ACSS2: variants seen among roughly 807,000 people sequenced by gnomAD.
ACSS2 encodes the protein acyl-CoA synthetase short chain family member 2.
Under a neutral mutation model 90.6 loss-of-function variants are expected in ACSS2, and 58 were observed. That is an observed-to-expected ratio of 0.64 (90% CI 0.52 to 0.80). The LOEUF is 0.80. Among genes scored for constraint, ACSS2 ranks in the 30% least tolerant of loss-of-function variants. The probability of loss-of-function intolerance (pLI) is 0.00; values close to 1 mark genes in which losing one functional copy is unlikely to be tolerated. For synonymous variants in ACSS2, 300 were observed against 330.9 expected, an observed-to-expected ratio of 0.91 and a Z score of 1.01; for missense variants, 759 against 912.0, an observed-to-expected ratio of 0.83 and a Z score of 2.16.
At chr20:34,880,503 T>C (rs6087642) in intron 1 of ACSS2, among the ~76,000 whole-genome samples, 82,799 of 151,506 alleles carry the variant, frequency 0.55, 23,313 homozygotes, top group South Asian at 0.74. Context: ...GAGATCATGC[T>C]ACTGCACTCC....
At chr20:34,879,731 C>CAAAACA (rs2080025838) in intron 1 of ACSS2, among the ~76,000 whole-genome samples, 1 of 152,088 alleles carries the variant, frequency 6.6e-6, no homozygotes, top group Non-Finnish European at 1.5e-5. Flanking sequence ...TACCCTGTCT[C>CAAAACA]AAAACAAAAA....
At chr20:34,916,345 G>A (rs760114184) in intron 7 of ACSS2, among the ~76,000 whole-genome samples, 1 of 152,184 alleles carries the variant, frequency 6.6e-6, no homozygotes, top group East Asian at 1.9e-4. Context: ...TTCTCCATCT[G>A]TAAGATAAGG....
intron 2 of ACSS2, among the ~76,000 whole-genome samples, chr20:34,894,903 T>A (rs1343042514): frequency 6.6e-6 from 1 of 152,176 alleles, no homozygotes; most frequent in Non-Finnish European, 1.5e-5. Flanking sequence ...TTCCCAATTT[T>A]AGTTTATGTA....
intron 2 of ACSS2, among the ~76,000 whole-genome samples, chr20:34,906,334 CA>C (rs34277751): frequency 0.13 from 9,769 of 75,848 alleles, 418 homozygotes; most frequent in Non-Finnish European, 0.21. Context: ...GACTCCGTCT[CA>C]AAAAAAAAAA....
At chr20:34,926,511 C>G (rs1375328695) in intron 16 of ACSS2, among the ~76,000 whole-genome samples, 2 of 152,182 alleles carry the variant, frequency 1.3e-5, no homozygotes, top group South Asian at 2.1e-4. Context: ...AGGCTAAGTG[C>G]TTTAAATGAA....
intron 2 of ACSS2, chr20:34,908,867 A>G (rs1355138738): frequency 2.5e-5 from 9 of 357,312 alleles, no homozygotes; most frequent in Admixed American, 1.1e-4. Context: ...ATCTTGGGAA[A>G]AAAAAAAAAA....
At chr20:34,905,534 A>G (rs1172703406) in intron 2 of ACSS2, among the ~76,000 whole-genome samples, 5 of 152,216 alleles carry the variant, frequency 3.3e-5, no homozygotes, top group African/African-American at 1.2e-4. Context: ...TGCTGGGATT[A>G]CAGGCGTGAG....
In ACSS2 at chr20:34,919,670, AT is replaced by A. The variant is rs965282299; in HGVS notation, c.972+105del. The A allele has an allele frequency of 2.1e-6, 3 of 1,456,798 alleles. No homozygotes were observed. In the East Asian group the frequency reaches 7.5e-5, roughly 37 times the overall value. The allele number at this position is 1,456,798 out of a possible 1,614,324, so 90.2% of individuals were successfully genotyped here. A position where few individuals can be genotyped will look rare whatever the true frequency, so the allele number is the denominator to read the frequency against. On this transcript the variant is annotated intron_variant, in intron 8 of 17. Coordinates refer to ENST00000360596, the MANE Select transcript of ACSS2 (RefSeq NM_018677.4). ...TTCTGAGGAAACAAGTAATGAAATT[AT>A]TTTTTTCCTACAACCCTGAGTTTTG...
At chr20:34,915,227 AAAGAGAAATCC>A in intron 7 of ACSS2, 1 of 1,613,890 alleles carries the variant, frequency 6.2e-7, no homozygotes, top group Non-Finnish European at 8.5e-7. Flanking sequence ...GGGTAAACTG[AAAGAGAAATCC>A]AAGCGTGTTC....
intron 2 of ACSS2, among the ~76,000 whole-genome samples, chr20:34,892,078 CTTTTT>C (rs1028847613): frequency 6.6e-6 from 1 of 152,126 alleles, no homozygotes; most frequent in African/African-American, 2.4e-5. Context: ...GTACAAGACT[CTTTTT>C]TAAGTTACTT....
Position 34,913,498 on chromosome 20 carries a change from T to C in ACSS2, c.570+2T>C. The C allele has an allele frequency of 6.2e-7, 1 of 1,611,132 alleles. No individual in the cohort carries two copies. The highest frequency in any genetic ancestry group is 2.2e-5 in the East Asian group (1 of 44,778). ...ATTGGGGCTTTGCACTCCATTGTGG[T>C]AGGAGTTTGGGCTGGTGAAAAGGGG... On this transcript the variant is annotated splice_donor_variant, in intron 4 of 17. Coordinates refer to ENST00000360596, the MANE Select transcript of ACSS2 (RefSeq NM_018677.4). LOFTEE classifies it high-confidence loss of function.
At chr20:34,905,014 C>G (rs1220706679) in intron 2 of ACSS2, among the ~76,000 whole-genome samples, 4 of 146,044 alleles carry the variant, frequency 2.7e-5, no homozygotes, top group Admixed American at 7.0e-5. Flanking sequence ...ACCTCCCGGG[C>G]TTATGTGATC....
At chr20:34,907,265 G>T (rs1018325811) in intron 2 of ACSS2, among the ~76,000 whole-genome samples, 3 of 151,876 alleles carry the variant, frequency 2.0e-5, no homozygotes, top group Non-Finnish European at 4.4e-5. Context: ...TTACAGGCAT[G>T]CGCCACCATG....
intron 2 of ACSS2, among the ~76,000 whole-genome samples, chr20:34,888,162 A>AT (rs1443385268): frequency 1.1e-4 from 16 of 151,668 alleles, no homozygotes; most frequent in Admixed American, 9.9e-4. Context: ...AAAAAGCCTT[A>AT]TAGGGAGGCA....
At chr20:34,883,918 T>C (rs757461859) in intron 2 of ACSS2, among the ~76,000 whole-genome samples, 4 of 152,130 alleles carry the variant, frequency 2.6e-5, no homozygotes, top group African/African-American at 4.8e-5. Flanking sequence ...TCAGAGTTGA[T>C]CTATTGTTTT....
At chr20:34,910,624 C>G (rs967160676) in intron 2 of ACSS2, among the ~76,000 whole-genome samples, 3 of 152,172 alleles carry the variant, frequency 2.0e-5, no homozygotes, top group African/African-American at 7.2e-5. Context: ...CTCTGTACTC[C>G]AGCCTATCAA....
rs145614194 is a variant in ACSS2, at chr20:34,894,995, A to G, written c.374+12006A>G. On this transcript the variant is annotated intron_variant, in intron 2 of 17. Coordinates refer to ENST00000360596, the MANE Select transcript of ACSS2 (RefSeq NM_018677.4). ...ATTGAGTTAGAATCTCCAGAGGATA[A>G]GACCTCTGACTTGTATTTTTGTAAC... Among the ~76,000 whole-genome samples the G allele has an allele frequency of 4.3e-4, 66 of 152,292 alleles. 1 individual carries two copies. The East Asian group carries it at 0.01, about 24-fold the overall frequency.
chr20:34,909,844 G>A (rs1454746002), intron 2 of ACSS2, among the ~76,000 whole-genome samples: 2 of 151,416 alleles, frequency 1.3e-5, no homozygotes, highest in Non-Finnish European at 2.9e-5. Context: ...AGCCTCCCAA[G>A]TAGCTGGGAC....
intron 2 of ACSS2, among the ~76,000 whole-genome samples, chr20:34,889,913 G>A (rs2080292441): frequency 6.6e-6 from 1 of 152,186 alleles, no homozygotes; most frequent in Admixed American, 6.5e-5. Context: ...ATTGCATGCA[G>A]CGGAAGTCGC....
Sources: allele counts gnomAD v4.1 joint callset (sites outside exome capture counted in the v4.1 genomes callset), GRCh38; gene constraint gnomAD v4.1.1; transcripts MANE v1.5; gene names NCBI Gene and HGNC (gene_info 2026-07-23, HGNC 2026-07-21).